The following AGBL1 variants were observed in gnomAD, a reference collection of about 807,000 sequenced individuals.
AGBL1 encodes cytosolic carboxypeptidase 4.
A neutral mutation model predicts 118.9 loss-of-function variants in AGBL1; 130 were observed. That is an observed-to-expected ratio of 1.09 (90% CI 0.95 to 1.26). The LOEUF is 1.26. AGBL1 is among the 50% of genes most tolerant of loss of function. The pLI, the probability that AGBL1 is intolerant of heterozygous loss-of-function variation, is 0.00. For synonymous variants in AGBL1, 555 were observed against 478.9 expected (o/e 1.16, Z -2.08); for missense variants, 1,584 against 1,298.1 (o/e 1.22, Z -3.38).
At chr15:86,324,065 A>G (rs893015448) in intron 17 of AGBL1, among the ~76,000 whole-genome samples, 22 of 152,218 alleles carry the variant, frequency 1.4e-4, no homozygotes, top group African/African-American at 5.3e-4. Flanking sequence ...TAGAGTCATA[A>G]GCATGTCTCA....
chr15:86,150,777 A>C (rs1052925663), intron 3 of AGBL1, among the ~76,000 whole-genome samples: 1 of 152,230 alleles, frequency 6.6e-6, no homozygotes, highest in Non-Finnish European at 1.5e-5. Context: ...TTATGAGGCC[A>C]GCATCATCCT....
chr15:86,339,403 TA>T (rs1244574440), intron 17 of AGBL1, among the ~76,000 whole-genome samples: 3 of 152,214 alleles, frequency 2.0e-5, no homozygotes, highest in African/African-American at 7.2e-5. Flanking sequence ...TGGCAAGTTT[TA>T]AACCATTATT....
Position 86,264,829 on chromosome 15 carries a change from G to C in AGBL1, c.1658G>C (p.Gly553Ala), listed in dbSNP as rs927174065. The C allele has an allele frequency of 6.3e-7, 1 of 1,591,402 alleles. No individual in the cohort carries two copies. The highest frequency in any genetic ancestry group is 8.5e-7 in the Non-Finnish European group (1 of 1,171,860). Residue 553 changes from glycine to alanine, a missense_variant, in exon 11 of 23, where the codon GGA becomes GCA. By Grantham distance (60) the Gly-to-Ala change is moderately conservative. Coordinates refer to ENST00000614907, the MANE Select transcript of AGBL1 (RefSeq NM_001386094.1). ...CAGCCTATGTTGGAACGAAAATGTGGAGTCCAAAGGTGATGGCGCTACTGA... is the reference window on the plus strand; with the variant it reads ...CAGCCTATGTTGGAACGAAAATGTGCAGTCCAAAGGTGATGGCGCTACTGA... ...TTQPMLERKCGVQRIRIFEDI... is the reference protein window; with the variant it reads ...TTQPMLERKCAVQRIRIFEDI...
intron 23 of AGBL1, among the ~76,000 whole-genome samples, chr15:86,966,707 T>C (rs1472690691): frequency 6.6e-6 from 1 of 152,200 alleles, no homozygotes; most frequent in Non-Finnish European, 1.5e-5. Context: ...TGCCATATTT[T>C]CTTAATCCAG....
intron 22 of AGBL1, among the ~76,000 whole-genome samples, chr15:86,791,181 T>A (rs1225828338): frequency 6.6e-6 from 1 of 152,196 alleles, no homozygotes; most frequent in Non-Finnish European, 1.5e-5. Flanking sequence ...ACCATTAGAT[T>A]GGATGACCTG....
At chr15:86,191,889 A>G (rs1202718024) in intron 5 of AGBL1, among the ~76,000 whole-genome samples, 1 of 150,898 alleles carries the variant, frequency 6.6e-6, no homozygotes, top group Non-Finnish European at 1.5e-5. Flanking sequence ...CCTGGGCAAC[A>G]TAGACCCTGT....
chr15:86,081,893 A>G (rs76808371), intron 1 of AGBL1, among the ~76,000 whole-genome samples: 3,063 of 152,302 alleles, frequency 0.02, 94 homozygotes, highest in African/African-American at 0.07. Context: ...CATTCCCACC[A>G]GTGAGAATTG....
At chr15:86,609,866 C>G (rs900616882) in intron 21 of AGBL1, among the ~76,000 whole-genome samples, 2 of 152,176 alleles carry the variant, frequency 1.3e-5, no homozygotes, top group Non-Finnish European at 2.9e-5. Flanking sequence ...AAATGCCAAC[C>G]ATATGCTGGG....
At chr15:86,561,965 T>A (rs1331246895) in intron 21 of AGBL1, among the ~76,000 whole-genome samples, 1 of 152,160 alleles carries the variant, frequency 6.6e-6, no homozygotes, top group East Asian at 1.9e-4. Context: ...TGTCTGTTAT[T>A]GGTGTATAAG....
chr15:86,957,180 C>A (rs1242173336), intron 23 of AGBL1, among the ~76,000 whole-genome samples: 1 of 152,006 alleles, frequency 6.6e-6, no homozygotes, highest in Non-Finnish European at 1.5e-5. Flanking sequence ...GAAAAATAAT[C>A]TATTTTTATA....
chr15:86,149,691 C>A (rs1014603323), intron 3 of AGBL1, among the ~76,000 whole-genome samples: 1 of 152,162 alleles, frequency 6.6e-6, no homozygotes, highest in East Asian at 1.9e-4. Context: ...GACTTTAACA[C>A]CCCATTGTCA....
chr15:86,857,048 C>G (rs1429715976), intron 22 of AGBL1, among the ~76,000 whole-genome samples: 1 of 152,122 alleles, frequency 6.6e-6, no homozygotes, highest in African/African-American at 2.4e-5. Context: ...ATCCAGAAAC[C>G]CAGACCCCAG....
chr15:86,721,705 G>A (rs938945231), intron 22 of AGBL1, among the ~76,000 whole-genome samples: 1 of 152,176 alleles, frequency 6.6e-6, no homozygotes, highest in East Asian at 1.9e-4. Flanking sequence ...AGGAAAAGAG[G>A]AAGTCAAATT....
Position 87,026,274 on chromosome 15 carries a change from C to T in AGBL1, c.3324-2551C>T, listed in dbSNP as rs181873429. ...TATACATCTAACAAAGGGCTAATAT[C>T]CAGAATCTACAATGAACTCAAACAA... On this transcript the variant is annotated intron_variant, in intron 24 of 24. Transcript: ENST00000441037. 5.3e-5 allele frequency among the ~76,000 whole-genome samples: 8 copies of T among 152,074 alleles called. No individual in the cohort carries two copies. The East Asian group carries it at 1.6e-3, about 29-fold the overall frequency.
At chr15:86,697,987 T>A (rs568259001) in intron 22 of AGBL1, among the ~76,000 whole-genome samples, 1 of 152,012 alleles carries the variant, frequency 6.6e-6, no homozygotes, top group East Asian at 1.9e-4. Flanking sequence ...TCTATGAATT[T>A]TCTTAGCTTT....
chr15:86,990,809 A>T (rs2081330422), intron 24 of AGBL1, among the ~76,000 whole-genome samples: 1 of 152,138 alleles, frequency 6.6e-6, no homozygotes, highest in African/African-American at 2.4e-5. Flanking sequence ...GGCCACCAGG[A>T]GCAAGGACAG....
At chr15:86,986,572 A>G (rs1476571921) in intron 23 of AGBL1, among the ~76,000 whole-genome samples, 2 of 151,752 alleles carry the variant, frequency 1.3e-5, no homozygotes, top group Non-Finnish European at 2.9e-5. Context: ...AGGAGGAAAA[A>G]GGGGAGGAAG....
chr15:86,261,400 G>C (rs755298036), intron 9 of AGBL1, among the ~76,000 whole-genome samples: 1 of 152,166 alleles, frequency 6.6e-6, no homozygotes, highest in Non-Finnish European at 1.5e-5. Context: ...TGTGTATACT[G>C]TACCTGAAAA....
At chr15:86,996,817 T>A (rs921081447) in intron 24 of AGBL1, among the ~76,000 whole-genome samples, 3 of 152,138 alleles carry the variant, frequency 2.0e-5, no homozygotes, top group Non-Finnish European at 4.4e-5. Context: ...ACTTTAAAAA[T>A]TTTTATTTAA....
Sources: allele counts gnomAD v4.1 joint callset (sites outside exome capture counted in the v4.1 genomes callset), GRCh38; gene constraint gnomAD v4.1.1; transcripts MANE v1.5; gene names NCBI Gene and HGNC (gene_info 2026-07-23, HGNC 2026-07-21).